Variants in MYSM1 observed in about 807,000 individuals in gnomAD.
MYSM1 encodes deubiquitinase MYSM1.
In MYSM1, 51 loss-of-function variants were observed where a neutral mutation model predicts 116.0. The ratio of observed to expected loss-of-function variants is 0.44; its 90% CI spans 0.35 to 0.56. The LOEUF is 0.56. Ranked by LOEUF, MYSM1 falls within the 20% of genes least tolerant of loss-of-function variation. The pLI, the probability that MYSM1 is intolerant of heterozygous loss-of-function variation, is 0.00. For missense variants in MYSM1, 900 were observed against 974.9 expected (o/e 0.92, Z 1.02); for synonymous variants, 313 against 315.2 (o/e 0.99, Z 0.07).
In MYSM1 at chr1:58,659,235, GT is replaced by G. The variant is rs1644358972; in HGVS notation, c.*761del. ...AGTAGGCAGTAGAAAAAAAGTTTGA[GT>G]TATGATTACCTATGTTCCAGTTAAA... On this transcript the variant is annotated 3_prime_UTR_variant, in exon 20 of 20. Transcript: ENST00000472487. The G allele has an allele frequency of 6.6e-6, 1 of 152,080 alleles. No individual in the cohort carries two copies. Among genetic ancestry groups the G allele is most frequent in the African/African-American group, 2.4e-5 (1 of 41,406 alleles). 9.4% of individuals were successfully genotyped at this position (152,080 alleles called of 1,614,324 possible). A position where few individuals can be genotyped will look rare whatever the true frequency, so the allele number is the denominator to read the frequency against.
intron 1 of MYSM1, among the ~76,000 whole-genome samples, chr1:58,697,868 C>A (rs12078684): frequency 0.34 from 50,922 of 150,822 alleles, 9,216 homozygotes; most frequent in Non-Finnish European, 0.41. Context: ...GGATTACAGG[C>A]ATGAGCCACC....
At chr1:58,679,465 G>A (rs1252169630) in intron 8 of MYSM1, among the ~76,000 whole-genome samples, 1 of 152,044 alleles carries the variant, frequency 6.6e-6, no homozygotes, top group Non-Finnish European at 1.5e-5. Context: ...TCATTCATAT[G>A]GACATTTTTA....
chr1:58,676,787 A>G, intron 9 of MYSM1, 139 bp downstream of exon 9: 1 of 809,398 alleles, frequency 1.2e-6, no homozygotes, highest in Non-Finnish European at 1.7e-6. Flanking sequence ...TCTTAATAAA[A>G]CATTTATTAA....
Position 58,660,141 on chromosome 1 carries a change from C to T in MYSM1, c.2343G>A (p.Met781Ile), listed in dbSNP as rs1392956414. 1.3e-6 allele frequency: 2 copies of T among 1,585,334 alleles called. No individual in the cohort carries two copies. The highest frequency in any genetic ancestry group is 2.3e-5 in the South Asian group (2 of 85,662). The change falls in exon 20 of 20, where the codon ATG (methionine) becomes ATA (isoleucine). Residue 781 changes from methionine (M) to isoleucine (I), a missense_variant. Physicochemically the swap from Met to Ile is conservative, Grantham distance 10. Coordinates refer to ENST00000472487, the MANE Select transcript of MYSM1 (RefSeq NM_001085487.3). ...LTCLQKLLEC[M>I]RKTLSKVTNC... ...TGGTCACTTTGCTCAGAGTCTTCCT[C>T]ATACACTCCAAAAGCTAGTTGAAAA... is the stretch of plus-strand genomic sequence containing the variant.
Position 58,656,174 on chromosome 1 carries a change from T to A in MYSM1, c.*3823A>T, listed in dbSNP as rs949088775. ...TGAAGCCACAGTCTCCTCTGTTGGG[T>A]TGAGAGCTGCAGAGGTTCTGACTGT... On this transcript the variant is annotated 3_prime_UTR_variant, in exon 20 of 20. Coordinates refer to ENST00000472487, the MANE Select transcript of MYSM1 (RefSeq NM_001085487.3). 2 of 152,196 alleles carry A rather than the reference T, an allele frequency of 1.3e-5. No individual in the cohort carries two copies. The highest frequency in any genetic ancestry group is 2.9e-5 in the Non-Finnish European group (2 of 68,048). 9.4% of individuals were successfully genotyped at this position (152,196 alleles called of 1,614,324 possible). A position where few individuals can be genotyped will look rare whatever the true frequency, so the allele number is the denominator to read the frequency against.
At position 58,668,803 on chromosome 1, in the gene MYSM1, A is replaced by C; in HGVS notation, c.1717-121T>G. On this transcript the variant is annotated intron_variant, in intron 13 of 19. Coordinates refer to ENST00000472487, the MANE Select transcript of MYSM1 (RefSeq NM_001085487.3). ...CCCACCAAGTTCTCAGCACTAACCA[A>C]AGCTCAGCACAAACTAGACTTTTAA... The C allele has an allele frequency of 3.9e-6, 4 of 1,024,364 alleles. No individual in the cohort carries two copies. In the South Asian group the frequency reaches 5.9e-5, roughly 15 times the overall value. The allele number at this position is 1,024,364 out of a possible 1,614,324, so 63.5% of individuals were successfully genotyped here. A position where few individuals can be genotyped will look rare whatever the true frequency, so the allele number is the denominator to read the frequency against.
At chr1:58,663,139 T>C (rs552759792) in intron 17 of MYSM1, among the ~76,000 whole-genome samples, 7 of 152,172 alleles carry the variant, frequency 4.6e-5, no homozygotes, top group Non-Finnish European at 1.0e-4. Context: ...AGCTGGGATC[T>C]GAATCCAGTA....
intron 1 of MYSM1, among the ~76,000 whole-genome samples, chr1:58,697,288 G>T (rs1422284050): frequency 1.3e-5 from 2 of 152,102 alleles, no homozygotes; most frequent in East Asian, 3.9e-4. Context: ...TGAAACTGAG[G>T]TGCTTGTGAG....
intron 10 of MYSM1, 53 bp from the exon 11 acceptor site, chr1:58,673,703 C>A (rs1569739457): frequency 7.1e-7 from 1 of 1,410,284 alleles, no homozygotes; most frequent in Non-Finnish European, 1.0e-6. Flanking sequence ...ATGGAGAAAT[C>A]ATAGCACATT....
intron 1 of MYSM1, among the ~76,000 whole-genome samples, chr1:58,697,590 A>C (rs1350466353): frequency 6.6e-6 from 1 of 151,088 alleles, no homozygotes; most frequent in Non-Finnish European, 1.5e-5. Flanking sequence ...ACCAAAAAAA[A>C]ATTTTTTTTT....
At chr1:58,671,427 AG>A (rs1160074892) in intron 12 of MYSM1, among the ~76,000 whole-genome samples, 1 of 152,176 alleles carries the variant, frequency 6.6e-6, no homozygotes, top group Admixed American at 6.5e-5. Context: ...GGGCATCTGC[AG>A]GAAGAGGGAA....
At chr1:58,660,204 G>A in intron 19 of MYSM1, 49 bp from the exon 20 acceptor site, 1 of 1,259,450 alleles carries the variant, frequency 7.9e-7, no homozygotes, top group Non-Finnish European at 1.1e-6. Context: ...AAGTATGAGG[G>A]TTTGCATTAC....
chr1:58,660,187 A>G, intron 19 of MYSM1, 32 bp from the exon 20 acceptor site: 1 of 1,423,792 alleles, frequency 7.0e-7, no homozygotes, highest in Non-Finnish European at 9.4e-7. Context: ...ATATTTAAAT[A>G]CAGAAAAAGT....
At position 58,690,214 on chromosome 1, in the gene MYSM1, A is replaced by G. The variant is rs371527682; in HGVS notation, c.320+12T>C. ...GAAAACAGATTTATAAATATAAAAT[A>G]TAAGTACATACATGATTTTTGCTGT... On this transcript the variant is annotated intron_variant, in intron 5 of 19. Transcript: ENST00000472487. 7.9e-5 allele frequency: 119 copies of G among 1,514,560 alleles called. No individual in the cohort carries two copies. Among genetic ancestry groups the G allele is most frequent in the South Asian group, 1.3e-4 (10 of 74,610 alleles). 93.8% of individuals were successfully genotyped at this position (1,514,560 alleles called of 1,614,324 possible).
intron 5 of MYSM1, 48 bp from the exon 6 acceptor site, chr1:58,689,164 T>C (rs751412232): frequency 7.0e-7 from 1 of 1,422,030 alleles, no homozygotes; most frequent in Non-Finnish European, 9.7e-7. Context: ...AAATGGAACA[T>C]TCCATATTTA....
At chr1:58,664,081 A>G (rs1400416902) in intron 17 of MYSM1, among the ~76,000 whole-genome samples, 1 of 152,166 alleles carries the variant, frequency 6.6e-6, no homozygotes, top group African/African-American at 2.4e-5. Flanking sequence ...CATGAACTAA[A>G]TTTTAAATTT....
At chr1:58,695,920 T>C (rs1423780147) in intron 1 of MYSM1, among the ~76,000 whole-genome samples, 1 of 152,212 alleles carries the variant, frequency 6.6e-6, no homozygotes, top group Non-Finnish European at 1.5e-5. Flanking sequence ...GGGGGCTCAA[T>C]CCATGATATA....
chr1:58,689,079 T>G lies in MYSM1; in HGVS notation c.358A>C (p.Lys120Gln). The change falls in exon 6 of 20, where the codon AAG becomes CAG. Residue 120 changes from lysine (K) to glutamine (Q), a missense_variant. Around this residue, in one of 3 missense-constraint regions of MYSM1, gnomAD observed 622 missense variants for 623.7 expected, o/e 1.00. Transcript: ENST00000472487. ...SPTKPASYSV[K>Q]WTIEEKELFE... ...AGCTCTTTTTCTTCTATCGTCCACTTTACTGAGTAACTGGCTGGTTTTGTA... is the reference window on the plus strand; with the variant it reads ...AGCTCTTTTTCTTCTATCGTCCACTGTACTGAGTAACTGGCTGGTTTTGTA... 6.2e-7 allele frequency: 1 copy of G among 1,611,916 alleles called. No individual in the cohort carries two copies. The highest frequency in any genetic ancestry group is 1.7e-5 in the Admixed American group (1 of 59,288).
At chr1:58,693,047 G>T in intron 2 of MYSM1, 116 bp from the exon 3 acceptor site, 1 of 756,880 alleles carries the variant, frequency 1.3e-6, no homozygotes, top group Non-Finnish European at 2.1e-6. Flanking sequence ...ACCATTTACT[G>T]AGCACACAGA....
Sources: allele counts gnomAD v4.1 joint callset (sites outside exome capture counted in the v4.1 genomes callset), GRCh38; gene constraint gnomAD v4.1.1; regional missense constraint gnomAD v4.1.1; transcripts MANE v1.5; gene names NCBI Gene and HGNC (gene_info 2026-07-23, HGNC 2026-07-21).